CYRIB: variants seen among roughly 807,000 people sequenced by gnomAD.
CYRIB encodes the protein CYFIP related Rac1 interactor B, also known as CYFIP-related Rac1 interactor B.
Under a neutral mutation model 44.2 loss-of-function variants are expected in CYRIB, and 8 were observed. That is an observed-to-expected ratio of 0.18 (90% confidence interval 0.11 to 0.33). The LOEUF (loss-of-function observed/expected upper bound fraction) is 0.33. Ranked by LOEUF, CYRIB falls within the 10% of genes least tolerant of loss-of-function variation. CYRIB has a pLI of 1.00. For missense variants in CYRIB, 185 were observed against 382.8 expected, an observed-to-expected ratio of 0.48 and a Z score of 4.31; for synonymous variants, 131 against 127.2, an observed-to-expected ratio of 1.03 and a Z score of -0.20.
At chr8:129,974,535 T>C (rs1205042923) in intron 1 of CYRIB, among the ~76,000 whole-genome samples, 1 of 152,136 alleles carries the variant, frequency 6.6e-6, no homozygotes, top group Admixed American at 6.6e-5. Context: ...GGATATATTT[T>C]TGATTATGGA....
chr8:129,856,045 G>A (rs2046054309), intron 5 of CYRIB, among the ~76,000 whole-genome samples: 1 of 152,164 alleles, frequency 6.6e-6, no homozygotes, highest in South Asian at 2.1e-4. Context: ...ACACCAAAGG[G>A]CAAGTTTTAT....
At chr8:129,864,771 G>A (rs550388338) in intron 4 of CYRIB, 7 of 409,496 alleles carry the variant, frequency 1.7e-5, no homozygotes, top group South Asian at 1.3e-4. Context: ...GCTAAGGAGT[G>A]AGCTGGACAC....
chr8:129,877,048 C>T (rs147776666), intron 3 of CYRIB, among the ~76,000 whole-genome samples: 294 of 152,122 alleles, frequency 1.9e-3, no homozygotes, highest in African/African-American at 6.5e-3. Context: ...CTTTTACAAA[C>T]GCATATTTCC....
At chr8:130,009,213 C>T (rs1178650046) in intron 1 of CYRIB, among the ~76,000 whole-genome samples, 1 of 152,106 alleles carries the variant, frequency 6.6e-6, no homozygotes, top group Non-Finnish European at 1.5e-5. Flanking sequence ...GCGCCAACCA[C>T]TAACATGGCA....
chr8:129,930,093 C>T (rs1332882255), intron 1 of CYRIB, among the ~76,000 whole-genome samples: 2 of 151,704 alleles, frequency 1.3e-5, no homozygotes, highest in Non-Finnish European at 2.9e-5. Context: ...TGCCTGTAAT[C>T]CCAGCTACTC....
chr8:129,941,462 C>T (rs960944282), upstream of CYRIB, among the ~76,000 whole-genome samples: 2 of 151,794 alleles, frequency 1.3e-5, no homozygotes, highest in African/African-American at 2.4e-5. Context: ...TTAGTAGAGA[C>T]GGGGTTTCAC....
At chr8:129,946,615 C>T (rs2094156319) in intron 2 of CYRIB, among the ~76,000 whole-genome samples, 1 of 152,180 alleles carries the variant, frequency 6.6e-6, no homozygotes, top group Admixed American at 6.5e-5. Context: ...AAGAAGGCAA[C>T]CAATCAAACT....
At chr8:129,929,203 T>C (rs1821749504) in intron 1 of CYRIB, among the ~76,000 whole-genome samples, 1 of 151,170 alleles carries the variant, frequency 6.6e-6, no homozygotes, top group Non-Finnish European at 1.5e-5. Flanking sequence ...TCATAAGAAA[T>C]GTCCAGGAAA....
intron 1 of CYRIB, among the ~76,000 whole-genome samples, chr8:129,926,780 A>C (rs1009744179): frequency 6.6e-6 from 1 of 152,188 alleles, no homozygotes; most frequent in African/African-American, 2.4e-5. Context: ...TGCAGTGGGG[A>C]TCAGTCCTCA....
At chr8:129,916,896 CCAGT>C (rs1311479864) in intron 1 of CYRIB, among the ~76,000 whole-genome samples, 10 of 152,168 alleles carry the variant, frequency 6.6e-5, no homozygotes, top group Non-Finnish European at 2.9e-5. Context: ...GGCTTTGAAA[CCAGT>C]CAAATACCAG....
rs183682073 is a variant in CYRIB at position 129,983,069 on chromosome 8, G to C, written c.-295-12074C>G. On this transcript the variant is annotated intron_variant, in intron 1 of 14. Coordinates refer to the CYRIB transcript ENST00000401979. ...CATGCCTGTAATCCCAGCATTTGGG[G>C]AGGCAGAGGAGAGAGGATTGTTTGA... 1.4e-3 allele frequency among the ~76,000 whole-genome samples: 219 copies of C among 151,808 alleles called. 1 individual carries two copies. Among genetic ancestry groups the C allele is most frequent in the African/African-American group, 5.2e-3 (216 of 41,368 alleles).
At chr8:129,869,381 C>CAAAAAA (rs572134261) in intron 4 of CYRIB, among the ~76,000 whole-genome samples, 1 of 74,082 alleles carries the variant, frequency 1.3e-5, no homozygotes, top group African/African-American at 4.9e-5. Flanking sequence ...AACTCTGCCT[C>CAAAAAA]AAAAAAAAAA....
intron 1 of CYRIB, among the ~76,000 whole-genome samples, chr8:130,012,400 C>G (rs1414151180): frequency 1.3e-5 from 2 of 152,190 alleles, no homozygotes; most frequent in African/African-American, 4.8e-5. Flanking sequence ...CAGCCAAGGG[C>G]TCTATTCCCA....
rs117450240 is a variant in CYRIB, at chr8:129,904,827, C to T, written c.-49-1477G>A. ...TGTTGCCTGAGCATTATCAGATCTACTACTACTTCATATTGAAGAGACTAG... is the reference window on the plus strand; with the variant it reads ...TGTTGCCTGAGCATTATCAGATCTATTACTACTTCATATTGAAGAGACTAG... On this transcript the variant is annotated intron_variant, in intron 1 of 11. Coordinates refer to ENST00000519824, the Ensembl canonical transcript of CYRIB. Among the ~76,000 whole-genome samples, 6 of 152,272 alleles carry T rather than the reference C, an allele frequency of 3.9e-5. No homozygotes were observed. The East Asian group carries it at 9.6e-4, about 24-fold the overall frequency.
At chr8:129,928,473 G>A (rs1036491256) in intron 1 of CYRIB, among the ~76,000 whole-genome samples, 1 of 151,876 alleles carries the variant, frequency 6.6e-6, no homozygotes, top group Non-Finnish European at 1.5e-5. Flanking sequence ...TTAAAAATGG[G>A]CAAAAAGACC....
At chr8:129,901,743 C>T (rs1238607189) in intron 2 of CYRIB, 1 of 152,126 alleles carries the variant, frequency 6.6e-6, no homozygotes, top group African/African-American at 2.4e-5. Context: ...TATTAGAAAA[C>T]CTATGAATTT....
intron 2 of CYRIB, among the ~76,000 whole-genome samples, chr8:129,886,226 C>T (rs953933969): frequency 1.3e-5 from 2 of 152,202 alleles, no homozygotes; most frequent in Admixed American, 6.5e-5. Flanking sequence ...AAACCTGTGC[C>T]TGTCAAGGTC....
At chr8:129,843,530 A>T (rs1362407870) in intron 11 of CYRIB, among the ~76,000 whole-genome samples, 1 of 152,246 alleles carries the variant, frequency 6.6e-6, no homozygotes, top group Non-Finnish European at 1.5e-5. Flanking sequence ...CCAGACAGAG[A>T]AATCTGGTTC....
At chr8:129,960,873 C>T (rs1290637201) in intron 2 of CYRIB, among the ~76,000 whole-genome samples, 1 of 150,514 alleles carries the variant, frequency 6.6e-6, no homozygotes, top group African/African-American at 2.5e-5. Context: ...TTGCTTGAAC[C>T]CGGGAGGCGG....
Sources: gnomAD v4.1 joint callset for allele counts (sites outside exome capture counted in the v4.1 genomes callset) on GRCh38, gnomAD v4.1.1 for gene constraint, MANE v1.5 for transcripts, NCBI Gene and HGNC (gene_info 2026-07-23, HGNC 2026-07-21) for gene names.